SVIL: variants seen among roughly 807,000 people sequenced by gnomAD.
SVIL encodes supervillin.
SVIL carries 101 observed loss-of-function variants against 240.4 expected under a neutral mutation model. That is an observed-to-expected ratio of 0.42 (90% confidence interval 0.36 to 0.50). The LOEUF (loss-of-function observed/expected upper bound fraction) is 0.50. Ranked by LOEUF, SVIL falls within the 20% of genes least tolerant of loss-of-function variation. The pLI, the probability that SVIL is intolerant of heterozygous loss-of-function variation, is 0.01. For missense variants in SVIL, 2,512 were observed against 2,818.7 expected (o/e 0.89, Z 2.46); for synonymous variants, 999 against 1,100.0 (o/e 0.91, Z 1.82).
At position 29,532,747 on chromosome 10, in the gene SVIL, CT is replaced by C; in HGVS notation, c.1619del (p.Lys540SerfsTer21). 1 of 1,614,152 alleles carries C rather than the reference CT, an allele frequency of 6.2e-7. No individual in the cohort carries two copies. Among genetic ancestry groups the C allele is most frequent in the Non-Finnish European group, 8.5e-7 (1 of 1,180,028 alleles). On this transcript the variant is annotated frameshift_variant, in exon 8 of 38. Transcript: ENST00000355867. LOFTEE classifies it high-confidence loss of function. Reference sequence around the variant, plus strand: ...ACAGAGAGCGGGTACGGACCTTGCGCTTTTTCGAGGCTTCCCTGTTGTGACC... The same window carrying C: ...ACAGAGAGCGGGTACGGACCTTGCGCTTTTCGAGGCTTCCCTGTTGTGACC... ...PTGHNREASK[K>X]RKVRTRSLSD... is the part of the protein sequence containing the mutation.
intron 1 of SVIL, among the ~76,000 whole-genome samples, chr10:29,618,088 A>G (rs886211221): frequency 6.6e-5 from 10 of 152,184 alleles, no homozygotes; most frequent in African/African-American, 2.2e-4. Flanking sequence ...CTGTGTAAGG[A>G]GCTTGCTGAC....
chr10:29,571,743 C>T (rs1268515666), intron 1 of SVIL, among the ~76,000 whole-genome samples: 10 of 152,130 alleles, frequency 6.6e-5, no homozygotes, highest in African/African-American at 9.7e-5. Context: ...AAGAAAAATT[C>T]GCAATAATTA....
Position 29,524,680 on chromosome 10 carries a change from T to G in SVIL, c.2378A>C (p.Lys793Thr). 1 of 1,614,190 alleles carries G rather than the reference T, an allele frequency of 6.2e-7. No homozygotes were observed. Among genetic ancestry groups the G allele is most frequent in the East Asian group, 2.2e-5 (1 of 44,878 alleles). The part of the protein sequence containing the change: ...QASAHQKALA[K>T]DQTNEGKELA... ...CTCTTTGCCCTCATTTGTCTGGTCCTTGGCTAAGGCCTTTTGGTGAGCAGA... is the reference window on the plus strand; with the variant it reads ...CTCTTTGCCCTCATTTGTCTGGTCCGTGGCTAAGGCCTTTTGGTGAGCAGA... Residue 793 changes from lysine to threonine, a missense_variant, in exon 14 of 38, where the codon AAG becomes ACG. By Grantham distance (78) the Lys-to-Thr change is moderately conservative. Transcript: ENST00000355867.
chr10:29,545,853 C>CAAAAAAAAAAAAAAAAAA (rs755360700), intron 6 of SVIL, among the ~76,000 whole-genome samples: 13 of 63,570 alleles, frequency 2.0e-4, no homozygotes, highest in African/African-American at 2.8e-4. Context: ...GACTCTGTCT[C>CAAAAAAAAAAAAAAAAAA]AAAAAAAAAA....
At chr10:29,667,856 CA>C (rs11288258) in intron 2 of SVIL, among the ~76,000 whole-genome samples, 26,729 of 129,734 alleles carry the variant, frequency 0.21, 2,356 homozygotes, top group Middle Eastern at 0.38. Context: ...CCCTGTCTCT[CA>C]AAAAAAAAAA....
rs377104595 is a variant in SVIL at position 29,486,524 on chromosome 10, T to C, written c.4519A>G (p.Arg1507Gly). ...TAAGTAGCTCTACAACCAAGTTCCC[T>C]CTTTGTCTGAATTAAAGTTGCAAGT... ...SELATLIQTK[R>G]ELGCRATYIQ... Residue 1507 changes from arginine to glycine, a missense_variant, in exon 25 of 38, where the codon AGG becomes GGG. Transcript: ENST00000355867. The C allele has an allele frequency of 1.9e-6, 3 of 1,614,064 alleles. No homozygotes were observed. The African/African-American group carries it at 4.0e-5, about 22-fold the overall frequency.
At position 29,735,161 on chromosome 10, in the gene SVIL, C is replaced by G. The variant is rs894744100; in HGVS notation, c.-400+590G>C. 5.3e-5 allele frequency among the ~76,000 whole-genome samples: 8 copies of G among 152,064 alleles called. No individual in the cohort carries two copies. Among genetic ancestry groups the G allele is most frequent in the African/African-American group, 1.9e-4 (8 of 41,396 alleles). On this transcript the variant is annotated intron_variant, in intron 1 of 35. Transcript: ENST00000375400. This position sits in a 1 kb window ranked among gnomAD's most constrained non-coding sequence, Gnocchi z 4.1. ...ACTCCCTTCGGGGAGCCCGCACGCG[C>G]GCAGAAACGTGGGCAGCTGGGGTGG...
Position 29,533,183 on chromosome 10 carries a change from G to A in SVIL, c.1184C>T (p.Ala395Val), listed in dbSNP as rs764902641. The change falls in exon 8 of 38, where the codon GCA (alanine) becomes GTA (valine). Residue 395 changes from alanine to valine, a missense_variant. Transcript: ENST00000355867. ...TTTGGGGACATTCTGGGTGGCTGAT[G>A]CTACCCAGCTACACTCAGATGCATT... ...PENASECSWVASATQNVPKPP... is the reference protein window; with the variant it reads ...PENASECSWVVSATQNVPKPP... 1 of 1,614,158 alleles carries A rather than the reference G, an allele frequency of 6.2e-7. No individual in the cohort carries two copies. Among genetic ancestry groups the A allele is most frequent in the Non-Finnish European group, 8.5e-7 (1 of 1,180,026 alleles).
At chr10:29,490,311 C>G (rs1947823238) in intron 22 of SVIL, among the ~76,000 whole-genome samples, 1 of 152,110 alleles carries the variant, frequency 6.6e-6, no homozygotes, top group Middle Eastern at 3.2e-3. Context: ...TCAAATAACT[C>G]TTTTACTATA....
At chr10:29,698,885 C>T (rs1468550606) in intron 1 of SVIL, among the ~76,000 whole-genome samples, 1 of 152,162 alleles carries the variant, frequency 6.6e-6, no homozygotes, top group Admixed American at 6.5e-5. Flanking sequence ...AAAAACTACA[C>T]AACTGGTGAC....
intron 17 of SVIL, among the ~76,000 whole-genome samples, chr10:29,500,816 T>C (rs149313540): frequency 0.012 from 1,801 of 152,196 alleles, 44 homozygotes; most frequent in African/African-American, 0.04. Flanking sequence ...CCCGATGCCT[T>C]TCCTCCTCAC....
chr10:29,529,522 A>G (rs890488263), intron 12 of SVIL, among the ~76,000 whole-genome samples, 183 bp downstream of exon 12: 1 of 152,258 alleles, frequency 6.6e-6, no homozygotes, highest in Non-Finnish European at 1.5e-5. Context: ...TTTTTCTAGA[A>G]GATACACATC....
intron 1 of SVIL, among the ~76,000 whole-genome samples, chr10:29,621,094 C>T (rs569037688): frequency 2.6e-5 from 4 of 152,168 alleles, no homozygotes; most frequent in African/African-American, 7.2e-5. Context: ...GCACGCCCCA[C>T]CCATCCTTGC....
chr10:29,695,232 C>T (rs1270299980), intron 1 of SVIL, among the ~76,000 whole-genome samples: 1 of 152,030 alleles, frequency 6.6e-6, no homozygotes, highest in Non-Finnish European at 1.5e-5. Context: ...TAATTGATTC[C>T]CAATTAGTAA....
intron 33 of SVIL, chr10:29,467,255 G>A (rs1168934559): frequency 6.4e-6 from 1 of 156,026 alleles, no homozygotes. Context: ...TGACTGAAGG[G>A]CTCTGGAAAG....
chr10:29,550,273 C>CA lies in SVIL; in HGVS notation c.827+323dup, dbSNP rs55687306. On this transcript the variant is annotated intron_variant, in intron 6 of 37. Transcript: ENST00000355867. ...GCAATGGAGGGAGACCCTGTCTCTA[C>CA]AAAAAAAAAAATGTAAAAATTAGCC... Among the ~76,000 whole-genome samples the CA allele has an allele frequency of 5.9e-3, 859 of 146,638 alleles. 5 individuals carry two copies. The highest frequency in any genetic ancestry group is 0.02 in the African/African-American group (793 of 40,028).
chr10:29,689,583 C>T (rs867801489), intron 1 of SVIL, among the ~76,000 whole-genome samples: 4 of 152,212 alleles, frequency 2.6e-5, no homozygotes, highest in Admixed American at 6.5e-5. Context: ...CGCGCCCAGC[C>T]GAGTCTCTTT....
At chr10:29,642,342 A>T (rs1958510734) in intron 3 of SVIL, among the ~76,000 whole-genome samples, 1 of 151,868 alleles carries the variant, frequency 6.6e-6, no homozygotes, top group Non-Finnish European at 1.5e-5. Flanking sequence ...CAGTGAGCTG[A>T]GATTGTGCCA....
intron 1 of SVIL, among the ~76,000 whole-genome samples, chr10:29,633,590 T>C (rs772830764): frequency 7.2e-5 from 11 of 152,176 alleles, no homozygotes; most frequent in Non-Finnish European, 1.5e-4. Context: ...TCTCTATAAA[T>C]ACTCTGTTTT....
Sources: allele counts gnomAD v4.1 joint callset (sites outside exome capture counted in the v4.1 genomes callset), GRCh38; gene constraint gnomAD v4.1.1; non-coding constraint Gnocchi (gnomAD v3.1); transcripts MANE v1.5; gene names NCBI Gene and HGNC (gene_info 2026-07-23, HGNC 2026-07-21).